Variants in MARCHF1 observed in about 807,000 individuals in gnomAD.
MARCHF1 encodes the protein E3 ubiquitin-protein ligase MARCHF1.
A neutral mutation model predicts 54.2 loss-of-function variants in MARCHF1; 40 were observed. That is an observed-to-expected ratio of 0.74 (90% CI 0.57 to 0.96). The LOEUF (loss-of-function observed/expected upper bound fraction) is 0.96, where lower values mean the gene tolerates loss of function less well. Among genes scored for constraint, MARCHF1 ranks in the 40% least tolerant of loss-of-function variants. The pLI is 0.00. For missense variants in MARCHF1, 586 were observed against 656.5 expected (o/e 0.89, Z 1.17); for synonymous variants, 236 against 236.3 (o/e 1.00, Z 0.01).
intron 1 of MARCHF1, among the ~76,000 whole-genome samples, chr4:164,177,405 C>T (rs528346059): frequency 6.6e-6 from 1 of 152,206 alleles, no homozygotes; most frequent in South Asian, 2.1e-4. Context: ...TTCTTTGATT[C>T]CTCAGCTGCT....
At chr4:164,288,728 T>C (rs1734211692) in intron 1 of MARCHF1, among the ~76,000 whole-genome samples, 1 of 152,094 alleles carries the variant, frequency 6.6e-6, no homozygotes, top group African/African-American at 2.4e-5. Flanking sequence ...AGCCAAATGT[T>C]CATCTTTCAT....
At chr4:164,304,500 G>A (rs1308913521) in intron 1 of MARCHF1, among the ~76,000 whole-genome samples, 3 of 152,074 alleles carry the variant, frequency 2.0e-5, no homozygotes, top group African/African-American at 7.2e-5. Flanking sequence ...CTACAGCAGT[G>A]GTCAGATCTG....
intron 1 of MARCHF1, among the ~76,000 whole-genome samples, chr4:164,176,962 CT>C (rs1560940419): frequency 2.8e-4 from 12 of 42,282 alleles, no homozygotes; most frequent in African/African-American, 5.9e-4. Context: ...CTCTCTCTCT[CT>C]CTCTCTCTCT....
At position 164,143,768 on chromosome 4, in the gene MARCHF1, T is replaced by C. The variant is rs898622412; in HGVS notation, c.-322-32106A>G. The stretch of plus-strand genomic sequence containing the variant: ...ACTAGGAAGAAACTGCATCAACTAA[T>C]GAGCAAAATAACCAGCTAACATCAT... On this transcript the variant is annotated intron_variant, in intron 1 of 9. Transcript: ENST00000514618. Among the ~76,000 whole-genome samples the C allele has an allele frequency of 5.4e-3, 815 of 152,206 alleles. 10 individuals carry two copies. The highest frequency in any genetic ancestry group is 0.019 in the African/African-American group (790 of 41,522).
chr4:163,751,654 G>C (rs1458799839), intron 4 of MARCHF1, among the ~76,000 whole-genome samples: 1 of 152,102 alleles, frequency 6.6e-6, no homozygotes, highest in Non-Finnish European at 1.5e-5. Context: ...AAATGGACTT[G>C]TGAAGTTTTA....
At chr4:164,294,780 A>C (rs1355157940) in intron 1 of MARCHF1, among the ~76,000 whole-genome samples, 1 of 152,214 alleles carries the variant, frequency 6.6e-6, no homozygotes, top group African/African-American at 2.4e-5. Flanking sequence ...AAAAAATTAC[A>C]AACAAGTAGG....
At chr4:163,994,774 CACACACA>C (rs1753039456) in intron 2 of MARCHF1, among the ~76,000 whole-genome samples, 1 of 80,794 alleles carries the variant, frequency 1.2e-5, no homozygotes, top group South Asian at 7.0e-4. Context: ...CACACACACA[CACACACA>C]CACACACACA....
At chr4:163,803,427 C>T (rs1042220481) in intron 4 of MARCHF1, among the ~76,000 whole-genome samples, 6 of 152,304 alleles carry the variant, frequency 3.9e-5, no homozygotes, top group Admixed American at 3.9e-4. Context: ...CCCACCGGGG[C>T]CTCCCAAAGT....
intron 1 of MARCHF1, among the ~76,000 whole-genome samples, chr4:164,247,734 A>C (rs539389909): frequency 6.6e-6 from 1 of 151,176 alleles, no homozygotes; most frequent in Non-Finnish European, 1.5e-5. Flanking sequence ...CTGTTTTTTC[A>C]AAATGGTCAT....
intron 4 of MARCHF1, among the ~76,000 whole-genome samples, chr4:163,769,245 A>G (rs1210644505): frequency 6.6e-6 from 1 of 152,156 alleles, no homozygotes; most frequent in African/African-American, 2.4e-5. Flanking sequence ...AATTTACCAA[A>G]CAGGGTTGTC....
chr4:163,655,445 C>A (rs943986003), intron 5 of MARCHF1, among the ~76,000 whole-genome samples: 2 of 151,776 alleles, frequency 1.3e-5, no homozygotes, highest in Non-Finnish European at 2.9e-5. Context: ...TAGACTCCCA[C>A]ACAATAATAG....
chr4:163,684,111 C>A (rs150850224), intron 5 of MARCHF1, among the ~76,000 whole-genome samples: 3 of 152,132 alleles, frequency 2.0e-5, no homozygotes, highest in Non-Finnish European at 4.4e-5. Context: ...TATGACCTTG[C>A]CTTGGGAGCC....
intron 1 of MARCHF1, among the ~76,000 whole-genome samples, chr4:164,313,016 G>GA (rs76503141): frequency 5.3e-5 from 8 of 150,710 alleles, no homozygotes; most frequent in African/African-American, 1.5e-4. Flanking sequence ...GTCTTTCTCT[G>GA]AAAAAAATCA....
intron 1 of MARCHF1, among the ~76,000 whole-genome samples, chr4:164,187,099 T>C (rs1244405577): frequency 6.6e-6 from 1 of 152,058 alleles, no homozygotes; most frequent in Non-Finnish European, 1.5e-5. Flanking sequence ...ACACCTTTTA[T>C]GGGCACCGGG....
intron 3 of MARCHF1, among the ~76,000 whole-genome samples, chr4:163,893,794 T>C (rs1342001298): frequency 6.6e-6 from 1 of 152,100 alleles, no homozygotes; most frequent in Non-Finnish European, 1.5e-5. Flanking sequence ...TTTAATAGCA[T>C]CCCTAAAACA....
intron 5 of MARCHF1, among the ~76,000 whole-genome samples, chr4:163,663,404 T>C: frequency 6.6e-6 from 1 of 152,020 alleles, no homozygotes; most frequent in Admixed American, 6.6e-5. Context: ...GTTTCTCTCT[T>C]CCTTTCTCAC....
At position 163,762,155 on chromosome 4, in the gene MARCHF1, C is replaced by T. The variant is rs572950795; in HGVS notation, c.112-61292G>A. ...TTGTTTCTTAAGTAAAGCCTCTCTT[C>T]CTTAAATTGTATTTCTGAAAACAGG... On this transcript the variant is annotated intron_variant, in intron 4 of 9. Coordinates refer to ENST00000514618, the MANE Select transcript of MARCHF1 (RefSeq NM_001394959.1). 1.2e-4 allele frequency among the ~76,000 whole-genome samples: 19 copies of T among 152,222 alleles called. No individual in the cohort carries two copies. The South Asian group carries it at 3.3e-3, about 27-fold the overall frequency.
chr4:164,091,816 A>T (rs1017713672), intron 2 of MARCHF1, among the ~76,000 whole-genome samples: 1 of 151,822 alleles, frequency 6.6e-6, no homozygotes, highest in East Asian at 1.9e-4. Context: ...GAAATATCTA[A>T]GAAGAGTAAT....
intron 3 of MARCHF1, among the ~76,000 whole-genome samples, chr4:163,959,330 CAAA>C (rs72185948): frequency 0.17 from 25,959 of 149,178 alleles, 2,750 homozygotes; most frequent in South Asian, 0.33. Flanking sequence ...ACAACAACAA[CAAA>C]AAAAAAAAAC....
Sources: allele counts gnomAD v4.1 joint callset (sites outside exome capture counted in the v4.1 genomes callset), GRCh38; gene constraint gnomAD v4.1.1; transcripts MANE v1.5; gene names NCBI Gene and HGNC (gene_info 2026-07-23, HGNC 2026-07-21).